TM9SF2: variants seen among roughly 807,000 people sequenced by gnomAD.
TM9SF2 encodes the protein transmembrane 9 superfamily member 2, also known as 76 kDa membrane protein.
Under a neutral mutation model 84.9 loss-of-function variants are expected in TM9SF2, and 13 were observed. The observed-to-expected ratio is 0.15, with a 90% CI of 0.10 to 0.24. The LOEUF is 0.24. Among genes scored for constraint, TM9SF2 ranks in the 10% least tolerant of loss-of-function variants. TM9SF2 has a pLI of 1.00. For missense variants in TM9SF2, 562 were observed against 818.5 expected (o/e 0.69, Z 3.82); for synonymous variants, 273 against 285.8 (o/e 0.96, Z 0.45).
chr13:99,539,389 C>G lies in TM9SF2; in HGVS notation c.717-57C>G, dbSNP rs2046248626. ...TACGTACAAAATCTGTAACCTTTAC[C>G]TCATTTTTAAAAAGTTGTACTTTAT... On this transcript the variant is annotated intron_variant, in intron 6 of 16. Coordinates refer to ENST00000376387, the MANE Select transcript of TM9SF2 (RefSeq NM_004800.3). The G allele has an allele frequency of 6.6e-6, 7 of 1,058,140 alleles. No homozygotes were observed. In the Middle Eastern group the frequency reaches 6.1e-4, roughly 92 times the overall value. 65.5% of individuals were successfully genotyped at this position (1,058,140 alleles called of 1,614,324 possible).
At chr13:99,502,075 G>A (rs2046068847) in intron 1 of TM9SF2, among the ~76,000 whole-genome samples, 1 of 152,212 alleles carries the variant, frequency 6.6e-6, no homozygotes, top group Non-Finnish European at 1.5e-5. Flanking sequence ...GAGCGCCCTT[G>A]GAGTTGGGCT....
At chr13:99,560,483 C>T (rs901636543) in intron 16 of TM9SF2, among the ~76,000 whole-genome samples, 2 of 152,064 alleles carry the variant, frequency 1.3e-5, no homozygotes, top group East Asian at 3.9e-4. Context: ...AATAAATCAT[C>T]TATAAAACAG....
At chr13:99,536,813 A>C in intron 5 of TM9SF2, 76 bp downstream of exon 5, 3 of 1,533,650 alleles carry the variant, frequency 2.0e-6, no homozygotes, top group Non-Finnish European at 2.7e-6. Context: ...CTGGACAAAA[A>C]TTGTTATATT....
chr13:99,544,680 G>A (rs1203407051), intron 10 of TM9SF2, among the ~76,000 whole-genome samples: 3 of 152,160 alleles, frequency 2.0e-5, no homozygotes, highest in Non-Finnish European at 4.4e-5. Flanking sequence ...GGAGGAGGGT[G>A]GGAAAAGAAG....
intron 15 of TM9SF2, among the ~76,000 whole-genome samples, chr13:99,556,385 G>C (rs1343044987): frequency 2.0e-5 from 3 of 152,124 alleles, no homozygotes; most frequent in Non-Finnish European, 4.4e-5. Context: ...TACTTGCTGA[G>C]CAGTTGCTCC....
chr13:99,543,745 AT>A, intron 9 of TM9SF2, 117 bp from the exon 10 acceptor site: 1 of 1,361,346 alleles, frequency 7.3e-7, no homozygotes, highest in Non-Finnish European at 1.0e-6. Context: ...AGGTACTAAC[AT>A]TTTTAAGTTT....
chr13:99,511,381 C>T (rs559868455), intron 1 of TM9SF2, among the ~76,000 whole-genome samples: 25 of 152,284 alleles, frequency 1.6e-4, no homozygotes, highest in East Asian at 1.3e-3. Context: ...ATAAACTCCC[C>T]GGCAGTCTCA....
intron 16 of TM9SF2, among the ~76,000 whole-genome samples, chr13:99,562,260 CTG>C (rs2046347709): frequency 6.6e-6 from 1 of 152,188 alleles, no homozygotes. Flanking sequence ...TCTTTGAAGA[CTG>C]ATAACTTCCA....
At position 99,552,322 on chromosome 13, in the gene TM9SF2, A is replaced by T; in HGVS notation, c.1484A>T (p.Lys495Met). The T allele has an allele frequency of 6.2e-7, 1 of 1,613,090 alleles. No homozygotes were observed. Among genetic ancestry groups the T allele is most frequent in the Non-Finnish European group, 8.5e-7 (1 of 1,179,682 alleles). ...TFIGAYFGFK[K>M]NAIEHPVRTN... The stretch of plus-strand genomic sequence containing the variant: ...ATTGGTGCATACTTTGGTTTTAAGA[A>T]GAATGTAAGTTTATAGGTGTTAACT... Residue 495 changes from lysine (K) to methionine (M), a missense_variant, in exon 13 of 17, where the codon AAG (lysine) becomes ATG (methionine). Lys to Met is a moderately conservative substitution (Grantham distance 95). Around this residue, in one of 4 missense-constraint regions of TM9SF2, gnomAD observed 219 missense variants for 338.1 expected, o/e 0.65. Transcript: ENST00000376387.
At chr13:99,503,332 G>C (rs7320057) in intron 1 of TM9SF2, among the ~76,000 whole-genome samples, 1 of 152,120 alleles carries the variant, frequency 6.6e-6, no homozygotes, top group African/African-American at 2.4e-5. Context: ...AATCTGATCT[G>C]TTACACAGGA....
intron 1 of TM9SF2, among the ~76,000 whole-genome samples, chr13:99,516,712 C>T (rs1034003864): frequency 1.3e-5 from 2 of 152,164 alleles, no homozygotes; most frequent in Non-Finnish European, 2.9e-5. Context: ...TGGTCATTGC[C>T]ACCTTCTTCA....
intron 9 of TM9SF2, 45 bp downstream of exon 9, chr13:99,541,712 T>G (rs746237570): frequency 1.5e-6 from 2 of 1,300,560 alleles, no homozygotes; most frequent in Non-Finnish European, 2.1e-6. Flanking sequence ...GGACACTGTT[T>G]ATTGTTATTT....
Position 99,522,180 on chromosome 13 carries a change from C to T in TM9SF2, c.333+2051C>T, listed in dbSNP as rs768242974. On this transcript the variant is annotated intron_variant, in intron 3 of 16. Coordinates refer to ENST00000376387, the MANE Select transcript of TM9SF2 (RefSeq NM_004800.3). ...GAATTACAGGCGTGTGTCACTATGC[C>T]CAGCTAATTTTTGTATTTTTCGTAG... Among the ~76,000 whole-genome samples the T allele has an allele frequency of 7.5e-4, 114 of 152,068 alleles. 1 individual carries two copies. The highest frequency in any genetic ancestry group is 2.2e-4 in the Non-Finnish European group (15 of 68,028).
chr13:99,509,482 C>T (rs1354987230), intron 1 of TM9SF2, among the ~76,000 whole-genome samples: 4 of 152,356 alleles, frequency 2.6e-5, no homozygotes, highest in South Asian at 4.1e-4. Flanking sequence ...AAGCATTCTT[C>T]GCTCTTGAAC....
At chr13:99,542,872 T>G (rs2046266785) in intron 9 of TM9SF2, among the ~76,000 whole-genome samples, 1 of 152,110 alleles carries the variant, frequency 6.6e-6, no homozygotes, top group Non-Finnish European at 1.5e-5. Flanking sequence ...ACTTCCCATC[T>G]CTTAGCACAG....
chr13:99,511,191 A>G lies in TM9SF2; in HGVS notation c.172-6423A>G, dbSNP rs113546641. On this transcript the variant is annotated intron_variant, in intron 1 of 16. Transcript: ENST00000376387. Reference sequence around the variant, plus strand: ...AATTGTGACAGTTTTCAAAATTCAAAAAGTTGAAAGAGTAGTGTAATGATC... The same window carrying G: ...AATTGTGACAGTTTTCAAAATTCAAGAAGTTGAAAGAGTAGTGTAATGATC... 2.4e-3 allele frequency among the ~76,000 whole-genome samples: 363 copies of G among 152,296 alleles called. 2 individuals carry two copies. The highest frequency in any genetic ancestry group is 8.3e-3 in the African/African-American group (347 of 41,566).
chr13:99,555,769 C>A, intron 15 of TM9SF2, 122 bp downstream of exon 15: 2 of 563,364 alleles, frequency 3.6e-6, no homozygotes, highest in East Asian at 3.0e-5. Context: ...AGACATTGAC[C>A]TGTATTCCTA....
chr13:99,510,621 A>G (rs1276056290), intron 1 of TM9SF2, among the ~76,000 whole-genome samples: 2 of 152,122 alleles, frequency 1.3e-5, no homozygotes, highest in African/African-American at 4.8e-5. Context: ...TTTACAAACA[A>G]CCAGATCTCA....
chr13:99,513,007 G>A (rs1297131578), intron 1 of TM9SF2, among the ~76,000 whole-genome samples: 1 of 152,186 alleles, frequency 6.6e-6, no homozygotes, highest in African/African-American at 2.4e-5. Context: ...CAAGTTATAT[G>A]AGACAGCAAA....
Sources: gnomAD v4.1 joint callset for allele counts (sites outside exome capture counted in the v4.1 genomes callset) on GRCh38, gnomAD v4.1.1 for gene constraint, gnomAD v4.1.1 regional missense constraint, MANE v1.5 for transcripts, NCBI Gene and HGNC (gene_info 2026-07-23, HGNC 2026-07-21) for gene names.